ZNF83: variants seen among roughly 807,000 people sequenced by gnomAD.
The protein encoded by ZNF83 is zinc finger protein 816B.
For synonymous variants in ZNF83, 209 were observed against 213.0 expected (o/e 0.98, Z 0.17); for missense variants, 552 against 629.9 (o/e 0.88, Z 1.32).
exon 3 of ZNF83, chr19:52,613,715 T>G (rs763593842): frequency 1.5e-5 from 21 of 1,362,486 alleles, no homozygotes; most frequent in Non-Finnish European, 1.9e-5. Context: ...TTCTCTCCAG[T>G]GTGGATTCTC....
chr19:52,646,530 T>C (rs1169450794), intron 3 of ZNF83, among the ~76,000 whole-genome samples: 3 of 152,156 alleles, frequency 2.0e-5, no homozygotes, highest in Admixed American at 6.5e-5. Flanking sequence ...TCCTGGGTGA[T>C]AGAGCCAGAT....
chr19:52,649,392 G>C (rs2061415284), intron 3 of ZNF83, among the ~76,000 whole-genome samples: 1 of 152,122 alleles, frequency 6.6e-6, no homozygotes, highest in Non-Finnish European at 1.5e-5. Context: ...GGTAATATTG[G>C]AGTATTATAT....
rs533309307 is a variant in ZNF83, at chr19:52,620,907, G to C, written c.-233-6110C>G. Among the ~76,000 whole-genome samples, 3 of 152,174 alleles carry C rather than the reference G, an allele frequency of 2.0e-5. No homozygotes were observed. In the South Asian group the frequency reaches 6.2e-4, roughly 32 times the overall value. On this transcript the variant is annotated intron_variant, in intron 2 of 2. Coordinates refer to ENST00000301096, the Ensembl canonical transcript of ZNF83. ...CTATGACCTCCCCACCATGCACTTTGTGACCCCCTCCTCTGCTGACAATAG... is the reference window on the plus strand; with the variant it reads ...CTATGACCTCCCCACCATGCACTTTCTGACCCCCTCCTCTGCTGACAATAG...
At chr19:52,687,477 T>TATATAAATTATA (rs1261624567) in intron 1 of ZNF83, among the ~76,000 whole-genome samples, 8 of 61,982 alleles carry the variant, frequency 1.3e-4, no homozygotes, top group African/African-American at 6.0e-4. Context: ...TTTATATATC[T>TATATAAATTATA]ATATAAATTA....
rs188116592 is a variant in ZNF83, at chr19:52,661,290, C to T, written c.-282-447G>A. ...AGAGATCATGCAGAGATAAGAAAGCCCCACAGGAAGACCTACAAGGGTAAT... is the reference window on the plus strand; with the variant it reads ...AGAGATCATGCAGAGATAAGAAAGCTCCACAGGAAGACCTACAAGGGTAAT... On this transcript the variant is annotated intron_variant, in intron 1 of 5. Transcript: ENST00000594682. Among the ~76,000 whole-genome samples, 394 of 152,246 alleles carry T rather than the reference C, an allele frequency of 2.6e-3. 3 individuals carry two copies. Among genetic ancestry groups the T allele is most frequent in the Non-Finnish European group, 4.0e-3 (271 of 68,016 alleles).
At chr19:52,676,602 G>A (rs1340339026) in intron 1 of ZNF83, among the ~76,000 whole-genome samples, 4 of 150,736 alleles carry the variant, frequency 2.7e-5, no homozygotes, top group African/African-American at 4.9e-5. Flanking sequence ...CCCTCTGCCT[G>A]GCCACCACCC....
intron 1 of ZNF83, among the ~76,000 whole-genome samples, chr19:52,676,919 T>C (rs1203695622): frequency 7.2e-6 from 1 of 138,418 alleles, no homozygotes; most frequent in Non-Finnish European, 1.5e-5. Flanking sequence ...AAACAGATGC[T>C]TGAAGGCAGC....
chr19:52,666,865 G>A (rs760545066), intron 1 of ZNF83, among the ~76,000 whole-genome samples: 6 of 152,174 alleles, frequency 3.9e-5, no homozygotes, highest in Non-Finnish European at 7.3e-5. Context: ...GAGGGAAAAA[G>A]ACATAATGGG....
intron 3 of ZNF83, among the ~76,000 whole-genome samples, chr19:52,649,380 C>T (rs2061415176): frequency 6.6e-6 from 1 of 152,084 alleles, no homozygotes; most frequent in Non-Finnish European, 1.5e-5. Context: ...GACAACTTTA[C>T]AGGTAATATT....
In ZNF83 at chr19:52,625,355, T is replaced by C. The variant is rs537328771; in HGVS notation, c.-234+9711A>G. 2.0e-5 allele frequency among the ~76,000 whole-genome samples: 3 copies of C among 152,274 alleles called. No homozygotes were observed. In the South Asian group the frequency reaches 6.2e-4, roughly 32 times the overall value. On this transcript the variant is annotated intron_variant, in intron 2 of 2. Transcript: ENST00000301096. ...CCCCCTATGCAAGTGTCCTCCATCA[T>C]TAATGCCTCCTTAATAAAAACTCTT...
At chr19:52,620,252 A>C (rs1319191568) in intron 2 of ZNF83, among the ~76,000 whole-genome samples, 1 of 132,832 alleles carries the variant, frequency 7.5e-6, no homozygotes, top group East Asian at 2.4e-4. Flanking sequence ...GTGTGTGTAT[A>C]TCTGTGTGTG....
chr19:52,622,167 C>T (rs1316940793), intron 2 of ZNF83, among the ~76,000 whole-genome samples: 2 of 151,946 alleles, frequency 1.3e-5, no homozygotes, highest in African/African-American at 4.8e-5. Context: ...CTTACAATTT[C>T]GTTCTGCAGC....
intron 3 of ZNF83, chr19:52,655,514 G>A: frequency 7.0e-7 from 1 of 1,426,202 alleles, no homozygotes; most frequent in South Asian, 1.2e-5. Flanking sequence ...GAAGAGCCAA[G>A]ATAGACAAGG....
intron 2 of ZNF83, among the ~76,000 whole-genome samples, chr19:52,620,276 G>C (rs1198500458): frequency 2.0e-5 from 2 of 99,830 alleles, no homozygotes; most frequent in African/African-American, 3.5e-5. Flanking sequence ...ATCTCTGTGT[G>C]TGTGTGTGTG....
At chr19:52,676,137 C>A (rs570639138) in intron 1 of ZNF83, among the ~76,000 whole-genome samples, 1 of 152,204 alleles carries the variant, frequency 6.6e-6, no homozygotes, top group Admixed American at 6.5e-5. Flanking sequence ...CGCGCCGCCA[C>A]GCCTGACTGG....
intron 2 of ZNF83, among the ~76,000 whole-genome samples, chr19:52,619,370 G>A (rs962996719): frequency 2.6e-5 from 4 of 152,212 alleles, no homozygotes; most frequent in African/African-American, 9.7e-5. Flanking sequence ...GCTCACGCCT[G>A]TAATCCCAAC....
At chr19:52,618,780 A>C in intron 2 of ZNF83, 1 of 1,268,360 alleles carries the variant, frequency 7.9e-7, no homozygotes, top group Admixed American at 2.6e-5. Flanking sequence ...AAAAGGGGAC[A>C]GTGAAAGTCC....
intron 1 of ZNF83, chr19:52,636,585 T>C (rs1335870316): frequency 6.6e-6 from 1 of 152,168 alleles, no homozygotes; most frequent in Admixed American, 6.5e-5. Flanking sequence ...CTAGATTATA[T>C]ACAAAGAAGT....
At chr19:52,645,806 C>CG (rs1354358469) in intron 3 of ZNF83, among the ~76,000 whole-genome samples, 1 of 148,894 alleles carries the variant, frequency 6.7e-6, no homozygotes, top group Non-Finnish European at 1.5e-5. Context: ...GATTCTGCCC[C>CG]CCCCCAAAAA....
Sources: allele counts gnomAD v4.1 joint callset (sites outside exome capture counted in the v4.1 genomes callset), GRCh38; gene constraint gnomAD v4.1.1; transcripts MANE v1.5; gene names NCBI Gene and HGNC (gene_info 2026-07-23, HGNC 2026-07-21).